ENOX1: variants seen among roughly 807,000 people sequenced by gnomAD.
ENOX1 encodes the protein candidate growth-related and time keeping constitutive hydroquinone (NADH) oxidase.
In ENOX1, 42 loss-of-function variants were observed where a neutral mutation model predicts 82.5. The observed-to-expected ratio is 0.51, with a 90% confidence interval of 0.40 to 0.66. The LOEUF (loss-of-function observed/expected upper bound fraction) is 0.66. ENOX1 is among the 30% of genes least tolerant of loss of function. The probability of loss-of-function intolerance (pLI) is 0.00; values close to 1 mark genes in which losing one functional copy is unlikely to be tolerated. For missense variants in ENOX1, 608 were observed against 811.6 expected (o/e 0.75, Z 3.05); for synonymous variants, 271 against 282.2 (o/e 0.96, Z 0.40).
At chr13:43,396,024 G>A (rs1171972739) in intron 5 of ENOX1, among the ~76,000 whole-genome samples, 4 of 152,104 alleles carry the variant, frequency 2.6e-5, no homozygotes, top group African/African-American at 7.2e-5. Context: ...CATGTACCCC[G>A]GTTACCTCTT....
intron 3 of ENOX1, among the ~76,000 whole-genome samples, chr13:43,466,395 T>A (rs1021620159): frequency 5.3e-5 from 8 of 152,104 alleles, no homozygotes; most frequent in African/African-American, 1.9e-4. Context: ...TAATAAAAAA[T>A]TCCTCATAAA....
intron 2 of ENOX1, among the ~76,000 whole-genome samples, chr13:43,623,203 G>T (rs2082817074): frequency 1.3e-5 from 2 of 152,130 alleles, no homozygotes; most frequent in Admixed American, 1.3e-4. Context: ...CGAAAGAAAA[G>T]GGTTTGGTTT....
intron 3 of ENOX1, among the ~76,000 whole-genome samples, chr13:43,457,455 C>T (rs1307966616): frequency 2.0e-5 from 3 of 151,054 alleles, no homozygotes; most frequent in Admixed American, 6.6e-5. Flanking sequence ...TTGAGGTAGA[C>T]GCATATCAAT....
chr13:43,348,645 A>G (rs1199592104), intron 8 of ENOX1, among the ~76,000 whole-genome samples: 1 of 152,218 alleles, frequency 6.6e-6, no homozygotes, highest in African/African-American at 2.4e-5. Context: ...CCCTTTGTCC[A>G]GGGTATCCAC....
At chr13:43,487,820 A>G (rs747214580) in intron 2 of ENOX1, among the ~76,000 whole-genome samples, 1 of 152,118 alleles carries the variant, frequency 6.6e-6, no homozygotes, top group Non-Finnish European at 1.5e-5. Context: ...CCACAAAATG[A>G]TGGTGGCTAT....
In ENOX1 at chr13:43,538,157, A is replaced by T. The variant is rs144838820; in HGVS notation, c.-218-54005T>A. ...CTGCCAGGTGTGTGCACGCTGATATAGCCACTCTCTCAGGTAATGCCTAAC... is the reference window on the plus strand; with the variant it reads ...CTGCCAGGTGTGTGCACGCTGATATTGCCACTCTCTCAGGTAATGCCTAAC... On this transcript the variant is annotated intron_variant, in intron 2 of 16. Transcript: ENST00000690772. 1.6e-3 allele frequency among the ~76,000 whole-genome samples: 249 copies of T among 152,348 alleles called. 5 individuals carry two copies. In the East Asian group the frequency reaches 0.038, roughly 23 times the overall value.
At chr13:43,612,591 A>G (rs1157261015) in intron 2 of ENOX1, among the ~76,000 whole-genome samples, 3 of 152,208 alleles carry the variant, frequency 2.0e-5, no homozygotes, top group African/African-American at 4.8e-5. Context: ...CAGGGCTCCT[A>G]GAAAGTTTAC....
At chr13:43,541,531 A>G (rs1304005431) in intron 2 of ENOX1, among the ~76,000 whole-genome samples, 2 of 152,166 alleles carry the variant, frequency 1.3e-5, no homozygotes, top group African/African-American at 4.8e-5. Context: ...GATTTCCAAT[A>G]AAACTGAACA....
At chr13:43,473,970 T>C (rs1350248482) in intron 3 of ENOX1, among the ~76,000 whole-genome samples, 1 of 152,186 alleles carries the variant, frequency 6.6e-6, no homozygotes, top group East Asian at 1.9e-4. Context: ...ACAGCACCAA[T>C]ACACCTGTAA....
rs113381692 is a variant in ENOX1 at position 43,331,251 on chromosome 13, T to C, written c.1037-4726A>G. ...CACGAACACAGCCCTTTTCCCTTCA[T>C]GTCTTGCCGACTGCCTTCTTTCTCA... On this transcript the variant is annotated intron_variant, in intron 9 of 16. Transcript: ENST00000690772. Among the ~76,000 whole-genome samples, 263 of 152,338 alleles carry C rather than the reference T, an allele frequency of 1.7e-3. 1 individual carries two copies. Among genetic ancestry groups the C allele is most frequent in the African/African-American group, 5.9e-3 (246 of 41,584 alleles).
chr13:43,630,996 T>G (rs777846423), intron 2 of ENOX1, among the ~76,000 whole-genome samples: 23 of 152,268 alleles, frequency 1.5e-4, no homozygotes, highest in Non-Finnish European at 3.1e-4. Flanking sequence ...AATACCACTT[T>G]GAACTCTGCT....
chr13:43,343,322 C>T (rs1240921476), intron 9 of ENOX1, among the ~76,000 whole-genome samples: 1 of 152,202 alleles, frequency 6.6e-6, no homozygotes, highest in Non-Finnish European at 1.5e-5. Context: ...TAGACATACA[C>T]TCTTAAGTAA....
intron 1 of ENOX1, among the ~76,000 whole-genome samples, chr13:43,693,725 T>C (rs1381316522): frequency 1.3e-5 from 2 of 152,164 alleles, no homozygotes; most frequent in East Asian, 1.9e-4. Context: ...CCAGGACATG[T>C]TGCAAGTTTA....
intron 3 of ENOX1, among the ~76,000 whole-genome samples, chr13:43,438,656 T>C (rs1216347292): frequency 1.3e-5 from 2 of 152,290 alleles, no homozygotes; most frequent in African/African-American, 4.8e-5. Context: ...TTTGCTTCCC[T>C]CAGTAGCCAC....
intron 1 of ENOX1, among the ~76,000 whole-genome samples, chr13:43,748,458 T>C (rs1458383662): frequency 6.6e-6 from 1 of 152,202 alleles, no homozygotes. Context: ...AATGGCCTGA[T>C]TTACGTAATA....
chr13:43,721,314 A>C (rs1468582826), intron 1 of ENOX1, among the ~76,000 whole-genome samples: 1 of 151,630 alleles, frequency 6.6e-6, no homozygotes. Flanking sequence ...TAAATAGCAA[A>C]TTTAAAACAC....
At chr13:43,693,784 A>G (rs1008824516) in intron 1 of ENOX1, among the ~76,000 whole-genome samples, 4 of 152,144 alleles carry the variant, frequency 2.6e-5, no homozygotes, top group Admixed American at 2.0e-4. Flanking sequence ...TTAGCCAATA[A>G]TTCTCACAAA....
rs149247941 is a variant in ENOX1 at position 43,226,806 on chromosome 13, C to T, written c.1715-2668G>A. On this transcript the variant is annotated intron_variant, in intron 15 of 16. Coordinates refer to ENST00000690772, the MANE Select transcript of ENOX1 (RefSeq NM_001347969.2). The stretch of plus-strand genomic sequence containing the variant: ...TCTCCCAGGGAGGTGAGGGCTGCTG[C>T]AAGGTGGGGAGCAGCATTCCTCGGG... Among the ~76,000 whole-genome samples, 921 of 152,310 alleles carry T rather than the reference C, an allele frequency of 6.0e-3. 7 individuals are homozygous for T. Among genetic ancestry groups the T allele is most frequent in the Non-Finnish European group, 0.011 (726 of 68,024 alleles).
chr13:43,302,607 C>A (rs963158586), intron 11 of ENOX1, among the ~76,000 whole-genome samples: 2 of 152,056 alleles, frequency 1.3e-5, no homozygotes, highest in African/African-American at 4.8e-5. Flanking sequence ...AAAATCAATC[C>A]AAAGGTTGAA....
Sources: gnomAD v4.1 joint callset for allele counts (sites outside exome capture counted in the v4.1 genomes callset) on GRCh38, gnomAD v4.1.1 for gene constraint, MANE v1.5 for transcripts, NCBI Gene and HGNC (gene_info 2026-07-23, HGNC 2026-07-21) for gene names.